PHLDB1: variants seen among roughly 807,000 people sequenced by gnomAD.
PHLDB1 encodes pleckstrin homology-like domain family B member 1.
Under a neutral mutation model 139.3 loss-of-function variants are expected in PHLDB1, and 65 were observed. The ratio of observed to expected loss-of-function variants is 0.47; its 90% confidence interval spans 0.38 to 0.57. The LOEUF is 0.57. PHLDB1 is among the 20% of genes least tolerant of loss of function. The probability of loss-of-function intolerance (pLI) is 0.00; values close to 1 mark genes in which losing one functional copy is unlikely to be tolerated. For synonymous variants in PHLDB1, 679 were observed against 734.5 expected (o/e 0.92, Z 1.22); for missense variants, 1,624 against 1,839.7 (o/e 0.88, Z 2.14).
rs141421867 is a variant in PHLDB1 at position 118,628,679 on chromosome 11, T to C, written c.1827+29T>C. 2.0e-4 allele frequency: 318 copies of C among 1,580,006 alleles called. 2 individuals are homozygous for C. The African/African-American group carries it at 3.2e-3, about 16-fold the overall frequency. On this transcript the variant is annotated intron_variant, in intron 6 of 22. Coordinates refer to ENST00000600882, the MANE Select transcript of PHLDB1 (RefSeq NM_001144758.3). ...AGCGGGTGCCAGGGAGGCTTGCCAC[T>C]GTCCATGGCAGAGTCTCTGCCAGGG...
intron 20 of PHLDB1, chr11:118,653,588 T>C (rs1555139213): frequency 2.0e-5 from 3 of 152,250 alleles, no homozygotes; most frequent in Admixed American, 2.0e-4. Context: ...TTCCTAGCCA[T>C]GCCTTTAGTA....
At chr11:118,625,368 A>G (rs1943676775) in intron 5 of PHLDB1, among the ~76,000 whole-genome samples, 1 of 152,212 alleles carries the variant, frequency 6.6e-6, no homozygotes, top group Admixed American at 6.5e-5. Flanking sequence ...GTGTCACCAC[A>G]GGGAGCCTCA....
chr11:118,609,362 T>TC (rs1939725451), intron 1 of PHLDB1, among the ~76,000 whole-genome samples: 4 of 79,118 alleles, frequency 5.1e-5, no homozygotes, highest in Admixed American at 1.5e-4. Flanking sequence ...ACACACAGCC[T>TC]ATCACACACA....
At chr11:118,631,589 G>A in intron 7 of PHLDB1, 110 bp downstream of exon 7, 1 of 992,974 alleles carries the variant, frequency 1.0e-6, no homozygotes. Context: ...ATCAAGTTTG[G>A]GAAGAGATTA....
At chr11:118,629,972 C>G (rs1270221723) in intron 6 of PHLDB1, 5 of 1,279,852 alleles carry the variant, frequency 3.9e-6, no homozygotes, top group Non-Finnish European at 3.0e-6. Context: ...TATCTGGGTC[C>G]TGGGGCAGGG....
rs1948940148 is a variant in PHLDB1 at position 118,655,658 on chromosome 11, G to A, written c.3928G>A (p.Val1310Met). Residue 1310 changes from valine (V) to methionine (M), a missense_variant, in exon 21 of 23, where the codon GTG (valine) becomes ATG (methionine). By Grantham distance (21) the Val-to-Met change is conservative (BLOSUM62 1). Transcript: ENST00000600882. ...CATCTATTTCCAGGCCATTGAGGAA[G>A]TGTACTACGACCACCTGCGCAGTGC... is the stretch of plus-strand genomic sequence containing the variant. Reference protein sequence around the residue: ...GVIYFQAIEEVYYDHLRSAAK... With the variant: ...GVIYFQAIEEMYYDHLRSAAK... The A allele has an allele frequency of 3.7e-6, 6 of 1,613,462 alleles. No individual in the cohort carries two copies. The highest frequency in any genetic ancestry group is 1.3e-5 in the African/African-American group (1 of 74,868).
At chr11:118,635,012 C>G in intron 9 of PHLDB1, 2 of 477,930 alleles carry the variant, frequency 4.2e-6, no homozygotes, top group Non-Finnish European at 8.3e-6. Context: ...ATAACTGCCC[C>G]GAGTCAGTGC....
rs782052451 is a variant in PHLDB1, at chr11:118,642,167, C to G, written c.2737-87C>G. On this transcript the variant is annotated intron_variant, in intron 12 of 22. Coordinates refer to ENST00000600882, the MANE Select transcript of PHLDB1 (RefSeq NM_001144758.3). The stretch of plus-strand genomic sequence containing the variant: ...TCTTCTTTCTTCTTTCTCCCTTCTC[C>G]TGCCTTTTCCTTTCCCTTTATTTCC... 5 of 1,245,288 alleles carry G rather than the reference C, an allele frequency of 4.0e-6. No individual in the cohort carries two copies. In the East Asian group the frequency reaches 1.2e-4, roughly 29 times the overall value. The allele number at this position is 1,245,288 out of a possible 1,614,324, so 77.1% of individuals were successfully genotyped here.
chr11:118,644,207 C>A, intron 15 of PHLDB1, 33 bp downstream of exon 15: 1 of 1,478,558 alleles, frequency 6.8e-7, no homozygotes, highest in South Asian at 1.2e-5. Context: ...CACCTGCTCT[C>A]CTGAGGGGAC....
In PHLDB1 at chr11:118,611,648, G is replaced by A. The variant is rs1940344014; in HGVS notation, c.-21-2168G>A. On this transcript the variant is annotated intron_variant, in intron 1 of 22. Coordinates refer to ENST00000600882, the MANE Select transcript of PHLDB1 (RefSeq NM_001144758.3). This position sits in a 1 kb window ranked among gnomAD's most constrained non-coding sequence, Gnocchi z 4.7. ...AGGCGGGCGGATCACCTGAGGTCGG[G>A]AGTTCGAGACCAGCCTGACCAACAT... Among the ~76,000 whole-genome samples, 1 of 152,036 alleles carries A rather than the reference G, an allele frequency of 6.6e-6. No homozygotes were observed. Among genetic ancestry groups the A allele is most frequent in the Non-Finnish European group, 1.5e-5 (1 of 67,978 alleles).
rs1939903635 is a variant in PHLDB1, at chr11:118,610,274, C to T, written c.-22+2575C>T. On this transcript the variant is annotated intron_variant, in intron 1 of 22. Coordinates refer to ENST00000600882, the MANE Select transcript of PHLDB1 (RefSeq NM_001144758.3). This position sits in a 1 kb window ranked among gnomAD's most constrained non-coding sequence, Gnocchi z 8.7. Reference sequence around the variant, plus strand: ...CCCCGTCCCTCTGCACACCCCCATTCATCTCTGTCAGGTTTTTCTCATCCT... The same window carrying T: ...CCCCGTCCCTCTGCACACCCCCATTTATCTCTGTCAGGTTTTTCTCATCCT... 1 of 160,688 alleles carries T rather than the reference C, an allele frequency of 6.2e-6. No homozygotes were observed. Among genetic ancestry groups the T allele is most frequent in the African/African-American group, 2.4e-5 (1 of 41,532 alleles). The allele number at this position is 160,688 out of a possible 1,614,324, so 10.0% of individuals were successfully genotyped here.
At chr11:118,631,771 GT>G in intron 7 of PHLDB1, 141 bp from the exon 8 acceptor site, 1 of 1,017,212 alleles carries the variant, frequency 9.8e-7, no homozygotes, top group Non-Finnish European at 1.4e-6. Context: ...AAAGGTGGGG[GT>G]TGCGGGGGGG....
chr11:118,617,560 G>T (rs1289029691), intron 4 of PHLDB1, among the ~76,000 whole-genome samples: 12 of 151,914 alleles, frequency 7.9e-5, no homozygotes, highest in Admixed American at 7.9e-4. Context: ...CCACCTCCTA[G>T]GCTCAAGCGA....
rs79761905 is a variant in PHLDB1 at position 118,618,401 on chromosome 11, C to T, written c.355+2190C>T. 3.2e-4 allele frequency among the ~76,000 whole-genome samples: 49 copies of T among 152,260 alleles called. 1 individual carries two copies. The East Asian group carries it at 8.9e-3, about 28-fold the overall frequency. ...CCAAGCCCAGCCCTGCCTGGCCCCA[C>T]TCCGGACATTCTTGGGAGTGTGTTT... On this transcript the variant is annotated intron_variant, in intron 4 of 22. Coordinates refer to ENST00000600882, the MANE Select transcript of PHLDB1 (RefSeq NM_001144758.3).
intron 10 of PHLDB1, 129 bp from the exon 11 acceptor site, chr11:118,638,762 G>A: frequency 1.5e-6 from 1 of 689,186 alleles, no homozygotes. Flanking sequence ...GTGAGTTGAG[G>A]CCAAGCAGAA....
chr11:118,636,535 A>G (rs1945680589), intron 10 of PHLDB1: 1 of 149,362 alleles, frequency 6.7e-6, no homozygotes, highest in South Asian at 2.1e-4. Flanking sequence ...TGTGTCAGGC[A>G]CCTTGCTGGG....
rs782063472 is a variant in PHLDB1 at position 118,628,157 on chromosome 11, G to A, written c.1334G>A (p.Arg445His). 26 of 1,613,928 alleles carry A rather than the reference G, an allele frequency of 1.6e-5. No individual in the cohort carries two copies. Among genetic ancestry groups the A allele is most frequent in the South Asian group, 8.8e-5 (8 of 91,090 alleles). Reference sequence around the variant, plus strand: ...ACCCTGCAGCCTCCTGAGAGTCCCCGCCTGGGCCGGCGGGGCCTGGACAGT... The same window carrying A: ...ACCCTGCAGCCTCCTGAGAGTCCCCACCTGGGCCGGCGGGGCCTGGACAGT... ...TRTLQPPESP[R>H]LGRRGLDSMR... is the part of the protein sequence containing the mutation. Residue 445 changes from arginine to histidine, a missense_variant, in exon 6 of 23, where the codon CGC (arginine) becomes CAC (histidine). Coordinates refer to ENST00000600882, the MANE Select transcript of PHLDB1 (RefSeq NM_001144758.3).
chr11:118,631,462 G>A lies in PHLDB1; in HGVS notation c.2083G>A (p.Glu695Lys). 1.4e-6 allele frequency: 2 copies of A among 1,430,476 alleles called. No individual in the cohort carries two copies. Among genetic ancestry groups the A allele is most frequent in the Non-Finnish European group, 9.1e-7 (1 of 1,094,898 alleles). 88.6% of individuals were successfully genotyped at this position (1,430,476 alleles called of 1,614,324 possible). ...ENLKEECSST[E>K]STQQEHEDAP... ...TCTCAAGGAGGAGTGCAGCAGCACT[G>A]AGAGCACCCAGCAGGAGGTGAGATG... Residue 695 changes from glutamate (E) to lysine (K), a missense_variant, in exon 7 of 23, where the codon GAG (glutamate) becomes AAG (lysine). Glu to Lys is a moderately conservative substitution (Grantham distance 56). Transcript: ENST00000600882.
At position 118,645,334 on chromosome 11, in the gene PHLDB1, C is replaced by T. The variant is rs781910207; in HGVS notation, c.3122-22C>T. 6.2e-5 allele frequency: 93 copies of T among 1,505,002 alleles called. 1 individual carries two copies. In the South Asian group the frequency reaches 1.2e-3, roughly 20 times the overall value. 93.2% of individuals were successfully genotyped at this position (1,505,002 alleles called of 1,614,324 possible). A position where few individuals can be genotyped will look rare whatever the true frequency, so the allele number is the denominator to read the frequency against. On this transcript the variant is annotated intron_variant, in intron 15 of 22. Coordinates refer to ENST00000600882, the MANE Select transcript of PHLDB1 (RefSeq NM_001144758.3). The surrounding 1 kb of genome is among the most constrained non-coding windows in gnomAD (Gnocchi z 5.1). ...TAGCTGCGTGGGGAGCCCACTGTGA[C>T]TCCCATCTGTCTCTCCTTCAGGACA... is the stretch of plus-strand genomic sequence containing the variant.
Sources: gnomAD v4.1 joint callset for allele counts (sites outside exome capture counted in the v4.1 genomes callset) on GRCh38, gnomAD v4.1.1 for gene constraint, Gnocchi (gnomAD v3.1) non-coding constraint, MANE v1.5 for transcripts, NCBI Gene and HGNC (gene_info 2026-07-23, HGNC 2026-07-21) for gene names.